MYCBP2: variants seen among roughly 807,000 people sequenced by gnomAD.
MYCBP2 encodes the protein E3 ubiquitin-protein ligase MYCBP2.
In MYCBP2, 120 loss-of-function variants were observed where a neutral mutation model predicts 525.3. The ratio of observed to expected loss-of-function variants is 0.23; its 90% confidence interval spans 0.20 to 0.27. MYCBP2 has a LOEUF of 0.27. MYCBP2 is among the 10% of genes least tolerant of loss of function. The pLI is 1.00. For missense variants in MYCBP2, 4,149 were observed against 5,657.1 expected, an observed-to-expected ratio of 0.73 and a Z score of 8.55; for synonymous variants, 1,894 against 1,955.8, an observed-to-expected ratio of 0.97 and a Z score of 0.83.
chr13:77,139,981 T>C (rs2054356022), intron 51 of MYCBP2, 66 bp downstream of exon 51: 3 of 1,037,316 alleles, frequency 2.9e-6, no homozygotes, highest in African/African-American at 3.2e-5. Context: ...GTAACCTTAT[T>C]ATTATGCAAA....
At chr13:77,070,569 AACAAAC>A (rs1440612129) in intron 69 of MYCBP2, 56 bp downstream of exon 69, 2 of 1,212,380 alleles carry the variant, frequency 1.6e-6, no homozygotes, top group Non-Finnish European at 2.4e-6. Context: ...CAGACAAACA[AACAAAC>A]ACACACACAC....
At chr13:77,116,185 C>T (rs1047977244) in intron 55 of MYCBP2, among the ~76,000 whole-genome samples, 3 of 151,910 alleles carry the variant, frequency 2.0e-5, no homozygotes, top group Non-Finnish European at 4.4e-5. Flanking sequence ...TACATAGTGG[C>T]GACTATCAGT....
intron 14 of MYCBP2, among the ~76,000 whole-genome samples, chr13:77,256,750 G>A (rs1337265020): frequency 6.6e-6 from 1 of 152,036 alleles, no homozygotes; most frequent in Non-Finnish European, 1.5e-5. Flanking sequence ...AGAGGATGTG[G>A]AGAAAAGGGA....
At chr13:77,158,966 T>A (rs2057548015) in intron 44 of MYCBP2, among the ~76,000 whole-genome samples, 1 of 152,250 alleles carries the variant, frequency 6.6e-6, no homozygotes, top group Non-Finnish European at 1.5e-5. Context: ...CAAGCAAGTC[T>A]TATGTTTTTG....
intron 35 of MYCBP2, among the ~76,000 whole-genome samples, chr13:77,177,365 C>T (rs1253106694): frequency 3.1e-5 from 4 of 128,718 alleles, no homozygotes; most frequent in Non-Finnish European, 4.7e-5. Context: ...GAGACAGGGT[C>T]GGGTCTCACT....
intron 8 of MYCBP2, among the ~76,000 whole-genome samples, chr13:77,264,341 C>T (rs2073775986): frequency 6.6e-6 from 1 of 152,020 alleles, no homozygotes. Flanking sequence ...CAATCACATG[C>T]AATGGAGGCA....
At position 77,304,331 on chromosome 13, in the gene MYCBP2, G is replaced by A. The variant is rs141247876; in HGVS notation, c.303-7657C>T. On this transcript the variant is annotated intron_variant, in intron 1 of 82. Transcript: ENST00000544440. ...GTAAAATTCTGTCATTTGCAGCACC[G>A]TGGATGAGCCTGGAGGACATTATCT... Among the ~76,000 whole-genome samples the A allele has an allele frequency of 1.5e-4, 23 of 152,288 alleles. 1 individual carries two copies. The highest frequency in any genetic ancestry group is 1.8e-4 in the Non-Finnish European group (12 of 68,018).
At chr13:77,186,551 AACT>A (rs1256597252) in intron 30 of MYCBP2, among the ~76,000 whole-genome samples, 4 of 152,194 alleles carry the variant, frequency 2.6e-5, no homozygotes, top group Admixed American at 6.5e-5. Flanking sequence ...TTGCAATACA[AACT>A]ACAGTCAATT....
At chr13:77,193,753 G>A (rs1267439763) in intron 27 of MYCBP2, among the ~76,000 whole-genome samples, 1 of 152,084 alleles carries the variant, frequency 6.6e-6, no homozygotes, top group Non-Finnish European at 1.5e-5. Context: ...GAGTACATGG[G>A]TAATCTGAAT....
At chr13:77,216,879 G>A (rs1022765689) in intron 21 of MYCBP2, among the ~76,000 whole-genome samples, 15 of 152,006 alleles carry the variant, frequency 9.9e-5, no homozygotes, top group African/African-American at 3.4e-4. Context: ...GGAGGTAACG[G>A]GCCATAATGT....
chr13:77,248,945 A>C (rs1243301937), intron 15 of MYCBP2, among the ~76,000 whole-genome samples: 1 of 152,218 alleles, frequency 6.6e-6, no homozygotes, highest in Non-Finnish European at 1.5e-5. Flanking sequence ...AAAAGCAAAG[A>C]TGTTCCGACA....
chr13:77,072,993 A>G (rs1201154010), intron 68 of MYCBP2, among the ~76,000 whole-genome samples: 3 of 151,644 alleles, frequency 2.0e-5, no homozygotes, highest in African/African-American at 7.3e-5. Context: ...AAACATCTTT[A>G]TTGAGATATA....
chr13:77,046,985 G>A (rs1214963051), intron 82 of MYCBP2, among the ~76,000 whole-genome samples: 3 of 152,140 alleles, frequency 2.0e-5, no homozygotes, highest in Admixed American at 2.0e-4. Flanking sequence ...CAATGGTGGT[G>A]ACACAAACTG....
intron 26 of MYCBP2, among the ~76,000 whole-genome samples, 163 bp downstream of exon 26, chr13:77,205,093 G>A (rs1001886829): frequency 2.0e-5 from 3 of 151,636 alleles, no homozygotes; most frequent in African/African-American, 7.3e-5. Context: ...TACTGTATTC[G>A]ATTTTAGCAA....
At chr13:77,212,506 C>T (rs567623749) in intron 21 of MYCBP2, among the ~76,000 whole-genome samples, 2 of 152,154 alleles carry the variant, frequency 1.3e-5, no homozygotes, top group African/African-American at 4.8e-5. Flanking sequence ...TATTAGTATT[C>T]CAAATTGTTC....
chr13:77,225,676 C>T, intron 18 of MYCBP2, 122 bp from the exon 19 acceptor site: 4 of 1,260,904 alleles, frequency 3.2e-6, no homozygotes, highest in Non-Finnish European at 4.4e-6. Context: ...CAAGAAGAAT[C>T]TGTAGCTGTT....
At chr13:77,225,224 G>C (rs1045681817) in intron 19 of MYCBP2, among the ~76,000 whole-genome samples, 20 of 152,306 alleles carry the variant, frequency 1.3e-4, no homozygotes, top group African/African-American at 4.6e-4. Flanking sequence ...AGACAGACTA[G>C]AAGTTAGATC....
chr13:77,140,801 C>T (rs553221722), intron 50 of MYCBP2, 45 bp downstream of exon 50: 37 of 1,415,232 alleles, frequency 2.6e-5, no homozygotes, highest in Middle Eastern at 3.5e-4. Flanking sequence ...CAGTGACAAA[C>T]GTAAAAATTG....
rs74365765 is a variant in MYCBP2 at position 77,114,606 on chromosome 13, T to G, written c.8140+6767A>C. Among the ~76,000 whole-genome samples the G allele has an allele frequency of 2.0e-3, 306 of 152,194 alleles. 2 individuals carry two copies. Among genetic ancestry groups the G allele is most frequent in the African/African-American group, 5.4e-3 (223 of 41,564 alleles). On this transcript the variant is annotated intron_variant, in intron 55 of 82. Coordinates refer to ENST00000544440, the MANE Select transcript of MYCBP2 (RefSeq NM_015057.5). ...TAATTTTTTTTGTCCCACATAAGAA[T>G]GTGACTTATGAGTATAATAGAAAAA... is the stretch of plus-strand genomic sequence containing the variant.
Sources: gnomAD v4.1 joint callset for allele counts (sites outside exome capture counted in the v4.1 genomes callset) on GRCh38, gnomAD v4.1.1 for gene constraint, MANE v1.5 for transcripts, NCBI Gene and HGNC (gene_info 2026-07-23, HGNC 2026-07-21) for gene names.